The following NSRP1 variants were observed in gnomAD, a reference collection of about 807,000 sequenced individuals.
The protein encoded by NSRP1 is coiled-coil domain containing 55.
NSRP1 carries 24 observed loss-of-function variants against 54.7 expected under a neutral mutation model. The observed-to-expected ratio is 0.44, with a 90% CI of 0.32 to 0.62. The LOEUF (loss-of-function observed/expected upper bound fraction) is 0.62. Among genes scored for constraint, NSRP1 ranks in the 20% least tolerant of loss-of-function variants. NSRP1 has a pLI of 0.06. For synonymous variants in NSRP1, 210 were observed against 213.8 expected (o/e 0.98, Z 0.15); for missense variants, 596 against 651.2 (o/e 0.92, Z 0.92).
chr17:30,165,784 A>T (rs559866110), intron 2 of NSRP1, among the ~76,000 whole-genome samples: 6 of 152,246 alleles, frequency 3.9e-5, no homozygotes, highest in Admixed American at 2.6e-4. Flanking sequence ...GTTTATGGAC[A>T]TACTGAATAT....
intron 3 of NSRP1, among the ~76,000 whole-genome samples, 191 bp downstream of exon 3, chr17:30,172,789 A>G (rs1321801635): frequency 6.6e-6 from 1 of 152,004 alleles, no homozygotes; most frequent in East Asian, 1.9e-4. Flanking sequence ...TAGTCTAATA[A>G]TGGATTGTTT....
intron 2 of NSRP1, among the ~76,000 whole-genome samples, chr17:30,166,781 C>T (rs1007928497): frequency 1.3e-5 from 2 of 152,026 alleles, no homozygotes; most frequent in African/African-American, 4.8e-5. Flanking sequence ...AAAAAATTAG[C>T]CACGCATGGT....
intron 3 of NSRP1, among the ~76,000 whole-genome samples, chr17:30,176,618 C>CAA (rs35018204): frequency 2.2e-4 from 27 of 120,344 alleles, no homozygotes; most frequent in East Asian, 1.7e-3. Flanking sequence ...CCCCCCCCCC[C>CAA]AAAAAAAAAA....
At chr17:30,149,656 C>T (rs1185554945) in intron 2 of NSRP1, among the ~76,000 whole-genome samples, 1 of 151,636 alleles carries the variant, frequency 6.6e-6, no homozygotes, top group Non-Finnish European at 1.5e-5. Context: ...CATGGTGAGA[C>T]CCTGTCTCTG....
chr17:30,144,635 G>A (rs2071836797), intron 2 of NSRP1: 1 of 152,118 alleles, frequency 6.6e-6, no homozygotes, highest in African/African-American at 2.4e-5. Context: ...GTATGTATAT[G>A]TATAGACACA....
At chr17:30,138,917 T>TG (rs1182238843) in intron 2 of NSRP1, among the ~76,000 whole-genome samples, 2 of 130,720 alleles carry the variant, frequency 1.5e-5, no homozygotes, top group African/African-American at 2.9e-5. Flanking sequence ...GCGTTTTTTT[T>TG]TTTTTTTTTT....
intron 2 of NSRP1, among the ~76,000 whole-genome samples, chr17:30,141,339 T>G (rs752040203): frequency 1.3e-5 from 2 of 152,182 alleles, no homozygotes; most frequent in Non-Finnish European, 2.9e-5. Flanking sequence ...CATTGTGTAT[T>G]TTTTAGACAT....
At chr17:30,180,315 C>G (rs1463738917) in intron 5 of NSRP1, among the ~76,000 whole-genome samples, 1 of 152,074 alleles carries the variant, frequency 6.6e-6, no homozygotes, top group Non-Finnish European at 1.5e-5. Context: ...CACCACCACA[C>G]CTGGATAATT....
At chr17:30,161,135 T>C (rs192777296) in intron 2 of NSRP1, among the ~76,000 whole-genome samples, 123 of 152,308 alleles carry the variant, frequency 8.1e-4, no homozygotes, top group Non-Finnish European at 1.6e-3. Context: ...AACCCCCCCA[T>C]ACAAAGTATA....
intron 3 of NSRP1, among the ~76,000 whole-genome samples, chr17:30,173,178 G>A (rs1289110822): frequency 6.6e-6 from 1 of 152,154 alleles, no homozygotes; most frequent in Non-Finnish European, 1.5e-5. Context: ...TGGTCAGGCT[G>A]GTCTGGAACC....
chr17:30,178,218 C>G lies in NSRP1; in HGVS notation c.300+19C>G, dbSNP rs1905191384. 1 of 1,586,150 alleles carries G rather than the reference C, an allele frequency of 6.3e-7. No homozygotes were observed. Among genetic ancestry groups the G allele is most frequent in the African/African-American group, 1.4e-5 (1 of 72,870 alleles). ...CAGAAAGGTTTGTAAGCTGAAATAA[C>G]AAACTTTCTTTGACCTTGACCTACA... On this transcript the variant is annotated intron_variant, in intron 4 of 6. Transcript: ENST00000247026.
chr17:30,173,402 T>G (rs1384833690), intron 3 of NSRP1, among the ~76,000 whole-genome samples: 1 of 152,268 alleles, frequency 6.6e-6, no homozygotes, highest in Non-Finnish European at 1.5e-5. Flanking sequence ...AAGATCATAC[T>G]ATTAATTATC....
intron 3 of NSRP1, 35 bp from the exon 4 acceptor site, chr17:30,178,036 T>C (rs1905183827): frequency 6.2e-7 from 1 of 1,607,144 alleles, no homozygotes; most frequent in African/African-American, 1.3e-5. Context: ...ATTGGCTGGC[T>C]CATATTTTTG....
chr17:30,127,080 A>G (rs536641180), intron 2 of NSRP1, among the ~76,000 whole-genome samples: 26 of 152,216 alleles, frequency 1.7e-4, no homozygotes, highest in Non-Finnish European at 3.4e-4. Flanking sequence ...ATAAAATTTT[A>G]TTTACAAAAA....
chr17:30,116,912 C>A, intron 1 of NSRP1, 49 bp downstream of exon 1: 1 of 1,555,594 alleles, frequency 6.4e-7, no homozygotes, highest in Non-Finnish European at 8.7e-7. Context: ...GAAACTACGG[C>A]GACTGTATCT....
intron 2 of NSRP1, among the ~76,000 whole-genome samples, 158 bp from the exon 3 acceptor site, chr17:30,172,384 T>C (rs982592986): frequency 1.3e-5 from 2 of 152,244 alleles, no homozygotes; most frequent in South Asian, 2.1e-4. Context: ...GAGCATCAGA[T>C]ATCAGATCTT....
intron 4 of NSRP1, 152 bp from the exon 5 acceptor site, chr17:30,178,938 A>G (rs1905211801): frequency 4.8e-6 from 2 of 412,554 alleles, no homozygotes; most frequent in East Asian, 4.0e-5. Context: ...AACAGTTTCA[A>G]TATTAATCTT....
At chr17:30,176,187 G>T (rs553249203) in intron 3 of NSRP1, among the ~76,000 whole-genome samples, 1 of 151,838 alleles carries the variant, frequency 6.6e-6, no homozygotes, top group Non-Finnish European at 1.5e-5. Context: ...TTATGGATTT[G>T]TCTATTTTTC....
chr17:30,116,896 G>A (rs200235259), intron 1 of NSRP1, 33 bp downstream of exon 1: 111 of 1,564,048 alleles, frequency 7.1e-5, no homozygotes, highest in Non-Finnish European at 8.7e-5. Context: ...TCAGGCTGGG[G>A]GATGAGAAAC....
Sources: gnomAD v4.1 joint callset for allele counts (sites outside exome capture counted in the v4.1 genomes callset) on GRCh38, gnomAD v4.1.1 for gene constraint, MANE v1.5 for transcripts, NCBI Gene and HGNC (gene_info 2026-07-23, HGNC 2026-07-21) for gene names.